MTRF1: variants seen among roughly 807,000 people sequenced by gnomAD.
The protein encoded by MTRF1 is mitochondrial translation release factor 1, also known as peptide chain release factor 1, mitochondrial.
In MTRF1, 51 loss-of-function variants were observed where a neutral mutation model predicts 62.9. The ratio of observed to expected loss-of-function variants is 0.81; its 90% confidence interval spans 0.65 to 1.02. The LOEUF (loss-of-function observed/expected upper bound fraction) is 1.02, where lower values mean the gene tolerates loss of function less well. Among genes scored for constraint, MTRF1 ranks in the 50% least tolerant of loss-of-function variants. The pLI is 0.00. For synonymous variants in MTRF1, 158 were observed against 181.9 expected, an observed-to-expected ratio of 0.87 and a Z score of 1.06; for missense variants, 446 against 530.0, an observed-to-expected ratio of 0.84 and a Z score of 1.56.
intron 5 of MTRF1, among the ~76,000 whole-genome samples, chr13:41,251,588 T>A (rs2039065133): frequency 6.6e-6 from 1 of 152,168 alleles, no homozygotes; most frequent in East Asian, 1.9e-4. Flanking sequence ...TAATCCCCTT[T>A]CCTGACCACT....
At chr13:41,257,815 G>C (rs780884262) in intron 2 of MTRF1, 72 of 445,452 alleles carry the variant, frequency 1.6e-4, no homozygotes, top group Non-Finnish European at 2.1e-4. Context: ...AAACAAAAAG[G>C]GGGAGGGGGA....
At chr13:41,226,857 T>C (rs531327440) in intron 7 of MTRF1, among the ~76,000 whole-genome samples, 294 of 152,302 alleles carry the variant, frequency 1.9e-3, no homozygotes, top group African/African-American at 6.7e-3. Context: ...TCCTAGCTCA[T>C]CCGGGCATTT....
chr13:41,294,936 T>C, the MTRF1 span, among the ~76,000 whole-genome samples: 4 of 152,218 alleles, frequency 2.6e-5, no homozygotes, highest in Non-Finnish European at 5.9e-5. Flanking sequence ...TTTCATCAAC[T>C]ATCAATTTGC....
chr13:41,233,856 G>C, intron 7 of MTRF1, 34 bp downstream of exon 7: 1 of 1,503,114 alleles, frequency 6.7e-7, no homozygotes, highest in African/African-American at 1.4e-5. Flanking sequence ...GATGGAAAAA[G>C]GGTTAAAAGT....
At chr13:41,291,380 G>C in the MTRF1 span, among the ~76,000 whole-genome samples, 1 of 151,976 alleles carries the variant, frequency 6.6e-6, no homozygotes, top group East Asian at 2.0e-4. Flanking sequence ...GTTTTGCCAC[G>C]TTGCCTAGGG....
chr13:41,259,500 G>C (rs1332158852), intron 2 of MTRF1, among the ~76,000 whole-genome samples: 3 of 151,940 alleles, frequency 2.0e-5, no homozygotes, highest in African/African-American at 7.3e-5. Flanking sequence ...AGGAGTTTGA[G>C]ACCAGCCTGG....
At chr13:41,261,940 T>C (rs900955521) in intron 1 of MTRF1, 1 of 188,860 alleles carries the variant, frequency 5.3e-6, no homozygotes, top group Admixed American at 6.6e-5. Flanking sequence ...AGGAACAAAA[T>C]AGAATCTCAA....
chr13:41,288,223 G>C, the MTRF1 span: 473 of 437,354 alleles, frequency 1.1e-3, 7 homozygotes, highest in South Asian at 7.8e-3. Flanking sequence ...AGACAATAGT[G>C]ATAATGCATT....
the MTRF1 span, among the ~76,000 whole-genome samples, chr13:41,286,088 CAAAAA>C: frequency 9.1e-6 from 1 of 110,064 alleles, no homozygotes; most frequent in Non-Finnish European, 1.7e-5. Context: ...ACAACAACAA[CAAAAA>C]AAAAAAAAAA....
At chr13:41,225,624 A>G (rs1199965269) in intron 8 of MTRF1, among the ~76,000 whole-genome samples, 2 of 152,086 alleles carry the variant, frequency 1.3e-5, no homozygotes, top group African/African-American at 4.8e-5. Context: ...TTATCCTAAA[A>G]GGCCACAAAA....
chr13:41,295,480 C>G, the MTRF1 span, among the ~76,000 whole-genome samples: 1 of 152,096 alleles, frequency 6.6e-6, no homozygotes, highest in Admixed American at 6.6e-5. Context: ...GGTTTGACTT[C>G]CAGGTTAACT....
chr13:41,277,924 G>T, the MTRF1 span, among the ~76,000 whole-genome samples: 2 of 152,220 alleles, frequency 1.3e-5, no homozygotes, highest in African/African-American at 4.8e-5. Context: ...TATATGACAG[G>T]ACACTGGGTC....
chr13:41,227,113 A>ACC (rs2034574565), intron 7 of MTRF1, among the ~76,000 whole-genome samples: 1 of 152,004 alleles, frequency 6.6e-6, no homozygotes, highest in Non-Finnish European at 1.5e-5. Flanking sequence ...ACACAGTGAA[A>ACC]CCCCATCTCT....
chr13:41,233,966 T>A lies in MTRF1; in HGVS notation c.912A>T (p.Thr304=), dbSNP rs2036039816. ...GCCCTCCTGCTCCTTTGGCTCGAAA[T>A]GTATCTATTCGCAAATCCTTGGGGT... The part of the protein sequence containing the change: ...KLDPKDLRID[T]FRAKGAGGQH... The change falls in exon 7 of 10, where the codon ACA becomes ACT. Residue 304 remains threonine, a synonymous_variant. Transcript: ENST00000379480. The A allele has an allele frequency of 6.2e-7, 1 of 1,614,124 alleles. No individual in the cohort carries two copies. The highest frequency in any genetic ancestry group is 1.1e-5 in the South Asian group (1 of 91,086).
intron 3 of MTRF1, 122 bp from the exon 4 acceptor site, chr13:41,253,152 A>G (rs919688327): frequency 3.1e-5 from 21 of 674,862 alleles, no homozygotes; most frequent in Non-Finnish European, 5.2e-5. Context: ...TATCCCAAAC[A>G]GGGTATTCCA....
At chr13:41,238,794 G>A (rs2037086096) in intron 6 of MTRF1, among the ~76,000 whole-genome samples, 1 of 152,164 alleles carries the variant, frequency 6.6e-6, no homozygotes, top group African/African-American at 2.4e-5. Context: ...CTAGCATTAT[G>A]TGTCTTCTGA....
the MTRF1 span, among the ~76,000 whole-genome samples, chr13:41,298,544 A>C: frequency 6.6e-6 from 1 of 152,244 alleles, no homozygotes; most frequent in Non-Finnish European, 1.5e-5. Context: ...TCTGCTTCAG[A>C]ATTGGAAGTC....
intron 9 of MTRF1, among the ~76,000 whole-genome samples, 170 bp from the exon 10 acceptor site, chr13:41,217,398 TAGA>T (rs2032112307): frequency 6.6e-6 from 1 of 152,260 alleles, no homozygotes; most frequent in Non-Finnish European, 1.5e-5. Flanking sequence ...CCCCACTCTG[TAGA>T]AGAATTCAGT....
chr13:41,286,376 C>T, the MTRF1 span, among the ~76,000 whole-genome samples: 1 of 152,134 alleles, frequency 6.6e-6, no homozygotes, highest in Non-Finnish European at 1.5e-5. Flanking sequence ...TTGCTCAAAA[C>T]CAAGATAGAA....
Sources: gnomAD v4.1 joint callset for allele counts (sites outside exome capture counted in the v4.1 genomes callset) on GRCh38, gnomAD v4.1.1 for gene constraint, MANE v1.5 for transcripts, NCBI Gene and HGNC (gene_info 2026-07-23, HGNC 2026-07-21) for gene names.